Variants in CSE1L observed in about 807,000 individuals in gnomAD.
CSE1L encodes the protein exportin-2.
CSE1L carries 24 observed loss-of-function variants against 120.4 expected under a neutral mutation model. That is an observed-to-expected ratio of 0.20 (90% CI 0.14 to 0.28). The LOEUF (loss-of-function observed/expected upper bound fraction) is 0.28, where lower values mean the gene tolerates loss of function less well. Among genes scored for constraint, CSE1L ranks in the 10% least tolerant of loss-of-function variants. The probability of loss-of-function intolerance (pLI) is 1.00; values close to 1 mark genes in which losing one functional copy is unlikely to be tolerated. For synonymous variants in CSE1L, 402 were observed against 398.3 expected (o/e 1.01, Z -0.11); for missense variants, 830 against 1,145.2 (o/e 0.72, Z 3.97).
chr20:49,074,657 T>C, intron 10 of CSE1L, 128 bp from the exon 11 acceptor site: 1 of 609,754 alleles, frequency 1.6e-6, no homozygotes, highest in Non-Finnish European at 2.8e-6. Flanking sequence ...GTATATGAAG[T>C]AGTCATCTGA....
At chr20:49,075,196 C>CT (rs1329586835) in intron 11 of CSE1L, 122 bp from the exon 12 acceptor site, 67 of 801,086 alleles carry the variant, frequency 8.4e-5, no homozygotes, top group East Asian at 1.6e-4. Flanking sequence ...GTTTTTCGTT[C>CT]TTTTTTTTCC....
At chr20:49,088,521 C>G (rs2092077266) in intron 17 of CSE1L, among the ~76,000 whole-genome samples, 1 of 152,152 alleles carries the variant, frequency 6.6e-6, no homozygotes. Flanking sequence ...AAAGTTCACT[C>G]TGATCAAAAT....
chr20:49,063,269 G>C lies in CSE1L; in HGVS notation c.153G>C (p.Glu51Asp). The change falls in exon 3 of 25, where the codon GAG (glutamate) becomes GAC (aspartate). Residue 51 changes from glutamate to aspartate, a missense_variant. Physicochemically the swap from Glu to Asp is conservative, Grantham distance 45. Transcript: ENST00000262982. ...CACTGTTGCTTTTGACATTACTGGA[G>C]AAGTCCCAGGATAATGTTATCAAAG... The part of the protein sequence containing the change: ...NYPLLLLTLL[E>D]KSQDNVIKVC... The C allele has an allele frequency of 6.3e-7, 1 of 1,588,882 alleles. No homozygotes were observed. Among genetic ancestry groups the C allele is most frequent in the Non-Finnish European group, 8.6e-7 (1 of 1,164,800 alleles).
intron 14 of CSE1L, among the ~76,000 whole-genome samples, chr20:49,081,597 A>G (rs566689485): frequency 3.6e-4 from 55 of 152,292 alleles, no homozygotes; most frequent in Middle Eastern, 3.4e-3. Context: ...TCAGTTAAGC[A>G]TCTTTCCACT....
intron 14 of CSE1L, among the ~76,000 whole-genome samples, chr20:49,083,318 G>A (rs1232918614): frequency 6.6e-6 from 1 of 152,168 alleles, no homozygotes; most frequent in African/African-American, 2.4e-5. Context: ...CACTGCGCCC[G>A]GCCTAACATC....
At chr20:49,078,796 CAAT>C (rs1252851324) in intron 14 of CSE1L, among the ~76,000 whole-genome samples, 174 bp downstream of exon 14, 1 of 152,080 alleles carries the variant, frequency 6.6e-6, no homozygotes, top group Non-Finnish European at 1.5e-5. Flanking sequence ...TGTCTTTTTG[CAAT>C]AATAGTAATA....
chr20:49,075,770 C>T (rs2091964336), intron 12 of CSE1L, among the ~76,000 whole-genome samples: 1 of 152,172 alleles, frequency 6.6e-6, no homozygotes, highest in African/African-American at 2.4e-5. Flanking sequence ...ATATGCTTAA[C>T]TTAAACTTAG....
intron 23 of CSE1L, 27 bp from the exon 24 acceptor site, chr20:49,094,705 T>C (rs1009836855): frequency 1.3e-6 from 2 of 1,524,140 alleles, no homozygotes; most frequent in African/African-American, 2.7e-5. Flanking sequence ...TCTTGACCTT[T>C]TTATCTCTTG....
intron 16 of CSE1L, among the ~76,000 whole-genome samples, 176 bp downstream of exon 16, chr20:49,085,562 ATTTTTTTTTTTT>A (rs11471947): frequency 1.2e-5 from 1 of 80,252 alleles, no homozygotes; most frequent in East Asian, 3.7e-4. Context: ...ACTAACAATA[ATTTTTTTTTTTT>A]TTTTTTTTTT....
chr20:49,092,696 T>A (rs2092111153), intron 22 of CSE1L, among the ~76,000 whole-genome samples: 1 of 151,948 alleles, frequency 6.6e-6, no homozygotes, highest in Non-Finnish European at 1.5e-5. Flanking sequence ...AGGGATAGCA[T>A]TAGCAGAAAT....
At chr20:49,058,271 TG>T (rs2091824886) in intron 1 of CSE1L, among the ~76,000 whole-genome samples, 181 bp from the exon 2 acceptor site, 1 of 152,176 alleles carries the variant, frequency 6.6e-6, no homozygotes, top group African/African-American at 2.4e-5. Flanking sequence ...CTATTGTTTT[TG>T]GGGGAAAAGG....
At chr20:49,087,351 CTTTTTTT>C (rs11483071) in intron 16 of CSE1L, among the ~76,000 whole-genome samples, 3 of 116,300 alleles carry the variant, frequency 2.6e-5, no homozygotes, top group African/African-American at 6.6e-5. Context: ...TTTTCTTTTT[CTTTTTTT>C]TTTTTTTTTT....
At chr20:49,080,989 C>T (rs78074273) in intron 14 of CSE1L, among the ~76,000 whole-genome samples, 52 of 62,422 alleles carry the variant, frequency 8.3e-4, no homozygotes, top group East Asian at 9.2e-4. Flanking sequence ...CTTTCTCCTT[C>T]TTTTTTTTTT....
At chr20:49,067,076 G>T in intron 5 of CSE1L, 114 bp from the exon 6 acceptor site, 1 of 418,040 alleles carries the variant, frequency 2.4e-6, no homozygotes, top group Non-Finnish European at 4.4e-6. Flanking sequence ...TTGAATTTCG[G>T]AATTTCGGAA....
chr20:49,083,227 G>C (rs901153253), intron 14 of CSE1L, among the ~76,000 whole-genome samples: 1 of 151,928 alleles, frequency 6.6e-6, no homozygotes, highest in Non-Finnish European at 1.5e-5. Flanking sequence ...CACCATGTTA[G>C]CCAGGATGGT....
intron 22 of CSE1L, among the ~76,000 whole-genome samples, chr20:49,093,290 C>T (rs921933028): frequency 3.3e-5 from 5 of 152,170 alleles, no homozygotes; most frequent in Admixed American, 2.0e-4. Context: ...TTAGAATTGC[C>T]ATACCCTTTG....
chr20:49,049,366 T>G (rs35843274), intron 1 of CSE1L, among the ~76,000 whole-genome samples: 32,862 of 151,758 alleles, frequency 0.22, 3,671 homozygotes, highest in Non-Finnish European at 0.24. Context: ...ATTTTTTTTT[T>G]GTAGAGATGG....
At chr20:49,067,423 A>G in intron 6 of CSE1L, 143 bp downstream of exon 6, 1 of 530,324 alleles carries the variant, frequency 1.9e-6, no homozygotes, top group South Asian at 3.5e-5. Flanking sequence ...AAACCTACAC[A>G]GAAATAGAGA....
At chr20:49,063,730 C>T (rs960805817) in intron 3 of CSE1L, among the ~76,000 whole-genome samples, 3 of 152,110 alleles carry the variant, frequency 2.0e-5, no homozygotes, top group East Asian at 3.8e-4. Flanking sequence ...CTTTACTCAC[C>T]GCCTACTGAA....
Sources: allele counts gnomAD v4.1 joint callset (sites outside exome capture counted in the v4.1 genomes callset), GRCh38; gene constraint gnomAD v4.1.1; transcripts MANE v1.5; gene names NCBI Gene and HGNC (gene_info 2026-07-23, HGNC 2026-07-21).